ATP5MG: variants seen among roughly 807,000 people sequenced by gnomAD.
ATP5MG encodes the protein ATP synthase membrane subunit g.
ATP5MG carries 7 observed loss-of-function variants against 12.7 expected under a neutral mutation model. The ratio of observed to expected loss-of-function variants is 0.55; its 90% CI spans 0.31 to 1.04. The LOEUF is 1.04. ATP5MG is among the 50% of genes least tolerant of loss of function. The pLI is 0.05. For synonymous variants in ATP5MG, 53 were observed against 48.2 expected (o/e 1.10, Z -0.41); for missense variants, 116 against 126.7 (o/e 0.92, Z 0.41).
intron 1 of ATP5MG, among the ~76,000 whole-genome samples, chr11:118,403,691 G>C (rs1017769215): frequency 2.0e-5 from 3 of 151,014 alleles, no homozygotes; most frequent in African/African-American, 7.3e-5. Flanking sequence ...TACTCGGGAA[G>C]CTGAGGCAGG....
intron 1 of ATP5MG, among the ~76,000 whole-genome samples, chr11:118,404,268 T>C (rs1555131719): frequency 6.6e-6 from 1 of 152,232 alleles, no homozygotes; most frequent in Non-Finnish European, 1.5e-5. Flanking sequence ...CCTAGGAAGA[T>C]CATAGAATCT....
At chr11:118,402,503 G>A (rs1476651510) in intron 1 of ATP5MG, among the ~76,000 whole-genome samples, 1 of 152,054 alleles carries the variant, frequency 6.6e-6, no homozygotes, top group Non-Finnish European at 1.5e-5. Flanking sequence ...TTCCTGAAGT[G>A]AGATAAGCTA....
chr11:118,403,511 T>A (rs1378377001), intron 1 of ATP5MG, among the ~76,000 whole-genome samples: 1 of 122,974 alleles, frequency 8.1e-6, no homozygotes, highest in African/African-American at 3.1e-5. Flanking sequence ...AAAAAAATAA[T>A]AATGCTGGAC....
chr11:118,401,893 C>T (rs370152903), intron 1 of ATP5MG, 176 bp downstream of exon 1: 36 of 676,050 alleles, frequency 5.3e-5, no homozygotes, highest in Non-Finnish European at 7.2e-5. Context: ...GCCTTCCACT[C>T]GTCTGACCTG....
At chr11:118,406,679 G>A (rs908717293) in intron 1 of ATP5MG, 12 of 473,906 alleles carry the variant, frequency 2.5e-5, no homozygotes, top group Non-Finnish European at 4.6e-5. Flanking sequence ...CTGGCCACTA[G>A]TGAAGTACTG....
intron 2 of ATP5MG, 47 bp from the exon 3 acceptor site, chr11:118,408,953 A>C: frequency 2.2e-6 from 1 of 461,770 alleles, no homozygotes; most frequent in Non-Finnish European, 3.4e-6. Flanking sequence ...ATATATAATT[A>C]TATATATATA....
chr11:118,407,058 T>C lies in ATP5MG; in HGVS notation c.174T>C (p.Asn58=), dbSNP rs782612653. 1.3e-5 allele frequency: 21 copies of C among 1,614,104 alleles called. No homozygotes were observed. Among genetic ancestry groups the C allele is most frequent in the Non-Finnish European group, 1.7e-5 (20 of 1,180,006 alleles). The part of the protein sequence containing the change: ...RAIQSLKKIV[N]SAQTGSFKQL... Reference sequence around the variant, plus strand: ...TTCAGAGCCTGAAAAAAATAGTCAATAGTGCTCAGACTGGTAGCTTCAAAC... The same window carrying C: ...TTCAGAGCCTGAAAAAAATAGTCAACAGTGCTCAGACTGGTAGCTTCAAAC... Residue 58 remains asparagine (N), a synonymous_variant, in exon 2 of 3, where the codon AAT becomes AAC. Transcript: ENST00000300688.
chr11:118,401,772 G>C (rs111948263), intron 1 of ATP5MG, 55 bp downstream of exon 1: 7 of 1,588,388 alleles, frequency 4.4e-6, no homozygotes, highest in African/African-American at 2.7e-5. Context: ...GGAGGCCTGC[G>C]ATGGCCTGAG....
intron 1 of ATP5MG, chr11:118,401,975 G>T (rs1487870080): frequency 2.6e-5 from 12 of 455,516 alleles, no homozygotes; most frequent in Non-Finnish European, 4.7e-5. Flanking sequence ...GTAGTGTGAA[G>T]GAAGCCCGGC....
At position 118,408,033 on chromosome 11, in the gene ATP5MG, A is replaced by T. The variant is rs1351546142; in HGVS notation, c.213+936A>T. Among the ~76,000 whole-genome samples the T allele has an allele frequency of 2.0e-5, 3 of 151,378 alleles. No homozygotes were observed. In the East Asian group the frequency reaches 5.8e-4, roughly 29 times the overall value. The stretch of plus-strand genomic sequence containing the variant: ...AAAACTTAGCCGGGCGTGGTGGCGG[A>T]AGCCTGTAGTCCCAGCTACTTGGGA... On this transcript the variant is annotated intron_variant, in intron 2 of 2. Transcript: ENST00000300688.
intron 1 of ATP5MG, chr11:118,405,687 T>C: frequency 1.0e-5 from 10 of 985,378 alleles, no homozygotes; most frequent in Non-Finnish European, 1.2e-5. Flanking sequence ...AACTATCTCT[T>C]AGAGCTTTGT....
At chr11:118,408,699 T>C (rs1555132512) in intron 2 of ATP5MG, among the ~76,000 whole-genome samples, 1 of 152,154 alleles carries the variant, frequency 6.6e-6, no homozygotes. Flanking sequence ...TCATAAAGTG[T>C]CTCATAAACT....
Position 118,409,153 on chromosome 11 carries a change from C to A in ATP5MG, c.*55C>A. 1 of 1,289,224 alleles carries A rather than the reference C, an allele frequency of 7.8e-7. No individual in the cohort carries two copies. The highest frequency in any genetic ancestry group is 1.1e-6 in the Non-Finnish European group (1 of 925,956). 79.9% of individuals were successfully genotyped at this position (1,289,224 alleles called of 1,614,324 possible). A position where few individuals can be genotyped will look rare whatever the true frequency, so the allele number is the denominator to read the frequency against. ...GATTTATTATTTGAGTGTTGTTGGA[C>A]CATGTGTGATCAGACTGCTATCTGA... On this transcript the variant is annotated 3_prime_UTR_variant, in exon 3 of 3. Coordinates refer to ENST00000300688, the MANE Select transcript of ATP5MG (RefSeq NM_006476.5).
At chr11:118,402,293 G>A (rs1227019856) in intron 1 of ATP5MG, among the ~76,000 whole-genome samples, 2 of 152,118 alleles carry the variant, frequency 1.3e-5, no homozygotes, top group Admixed American at 6.5e-5. Flanking sequence ...TCCATGCCCC[G>A]AGAAGCATAG....
At chr11:118,402,735 T>G (rs1948939664) in intron 1 of ATP5MG, among the ~76,000 whole-genome samples, 1 of 143,326 alleles carries the variant, frequency 7.0e-6, no homozygotes, top group Non-Finnish European at 1.5e-5. Flanking sequence ...AGGGACTCAC[T>G]CTGTCGCCCA....
At chr11:118,405,614 CTT>C (rs1358912164) in intron 1 of ATP5MG, 1 of 969,168 alleles carries the variant, frequency 1.0e-6, no homozygotes, top group Admixed American at 6.2e-5. Flanking sequence ...AATTGATTGA[CTT>C]ATACAAGATT....
intron 2 of ATP5MG, among the ~76,000 whole-genome samples, chr11:118,408,723 T>G (rs755735693): frequency 1.0e-3 from 152 of 152,236 alleles, no homozygotes; most frequent in Middle Eastern, 3.4e-3. Context: ...AATGAAAGGG[T>G]TAAGTCAGTT....
At chr11:118,406,792 C>T in intron 1 of ATP5MG, 145 bp from the exon 2 acceptor site, 1 of 1,288,660 alleles carries the variant, frequency 7.8e-7, no homozygotes, top group Non-Finnish European at 1.0e-6. Flanking sequence ...GCAGCTTTGA[C>T]TTTTCACACC....
chr11:118,402,110 C>T (rs1356471905), intron 1 of ATP5MG, among the ~76,000 whole-genome samples: 2 of 152,110 alleles, frequency 1.3e-5, no homozygotes, highest in East Asian at 1.9e-4. Flanking sequence ...TCAATTCGGC[C>T]TCATTACATG....
Sources: allele counts gnomAD v4.1 joint callset (sites outside exome capture counted in the v4.1 genomes callset), GRCh38; gene constraint gnomAD v4.1.1; transcripts MANE v1.5; gene names NCBI Gene and HGNC (gene_info 2026-07-23, HGNC 2026-07-21).